CHL1: variants seen among roughly 807,000 people sequenced by gnomAD.
CHL1 encodes neural cell adhesion molecule L1-like protein.
In CHL1, 96 loss-of-function variants were observed where a neutral mutation model predicts 141.9. The ratio of observed to expected loss-of-function variants is 0.68; its 90% confidence interval spans 0.57 to 0.80. The LOEUF (loss-of-function observed/expected upper bound fraction) is 0.80, where lower values mean the gene tolerates loss of function less well. Ranked by LOEUF, CHL1 falls within the 30% of genes least tolerant of loss-of-function variation. The pLI, the probability that CHL1 is intolerant of heterozygous loss-of-function variation, is 0.00. For missense variants in CHL1, 1,820 were observed against 1,457.2 expected, an observed-to-expected ratio of 1.25 and a Z score of -4.05; for synonymous variants, 613 against 502.2, an observed-to-expected ratio of 1.22 and a Z score of -2.95.
Position 260,811 on chromosome 3 carries a change from A to G in CHL1, c.-95+16119A>G, listed in dbSNP as rs559399413. On this transcript the variant is annotated intron_variant, in intron 2 of 27. Coordinates refer to ENST00000256509, the MANE Select transcript of CHL1 (RefSeq NM_006614.4). ...ACTAACAAAATAAGGGAGGAGAGCA[A>G]TAAGAAACAAATAAGATTAAGGAAG... 1.1e-4 allele frequency among the ~76,000 whole-genome samples: 16 copies of G among 152,368 alleles called. No homozygotes were observed. The South Asian group carries it at 2.5e-3, about 24-fold the overall frequency.
intron 15 of CHL1, among the ~76,000 whole-genome samples, chr3:368,698 T>G (rs1449515753): frequency 1.3e-5 from 2 of 152,160 alleles, no homozygotes; most frequent in African/African-American, 4.8e-5. Context: ...ACTGCCTAGG[T>G]TTTCTTCTAG....
chr3:374,848 GAC>G (rs1706114459), intron 15 of CHL1, among the ~76,000 whole-genome samples: 1 of 152,166 alleles, frequency 6.6e-6, no homozygotes, highest in South Asian at 2.1e-4. Flanking sequence ...CTTCTGCTGA[GAC>G]ACCTTCTCCT....
intron 5 of CHL1, 96 bp from the exon 6 acceptor site, chr3:340,698 T>C: frequency 9.8e-7 from 1 of 1,022,402 alleles, no homozygotes. Context: ...TTTATTTAAA[T>C]TGCTGAATTT....
chr3:220,153 G>A (rs1700703118), intron 1 of CHL1, among the ~76,000 whole-genome samples: 1 of 152,174 alleles, frequency 6.6e-6, no homozygotes, highest in African/African-American at 2.4e-5. Context: ...TTAAAGACTG[G>A]GGAGGGTGGT....
chr3:254,351 C>T (rs956944985), intron 2 of CHL1, among the ~76,000 whole-genome samples: 1 of 152,270 alleles, frequency 6.6e-6, no homozygotes, highest in Non-Finnish European at 1.5e-5. Flanking sequence ...TGGTAATTTT[C>T]AAATATCTCT....
rs181269085 is a variant in CHL1 at position 374,416 on chromosome 3, C to T, written c.1752-3402C>T. Among the ~76,000 whole-genome samples, 18 of 152,204 alleles carry T rather than the reference C, an allele frequency of 1.2e-4. No homozygotes were observed. The East Asian group carries it at 3.1e-3, about 26-fold the overall frequency. On this transcript the variant is annotated intron_variant, in intron 15 of 27. Coordinates refer to ENST00000256509, the MANE Select transcript of CHL1 (RefSeq NM_006614.4). ...CTTTTGTTACTACTGCCTGACTATC[C>T]GGGGTCTTCCATGTGACCTCTGGGC...
intron 1 of CHL1, among the ~76,000 whole-genome samples, chr3:202,408 A>T (rs1402031991): frequency 6.6e-6 from 1 of 152,214 alleles, no homozygotes; most frequent in Non-Finnish European, 1.5e-5. Context: ...CATTAATTAT[A>T]TGCACATATA....
intron 2 of CHL1, among the ~76,000 whole-genome samples, chr3:290,859 C>T (rs1330927215): frequency 6.6e-6 from 1 of 151,024 alleles, no homozygotes. Context: ...TTGCTTGAAC[C>T]CGGGAGACAG....
rs539063642 is a variant in CHL1 at position 328,057 on chromosome 3, C to A, written c.198-110C>A. The A allele has an allele frequency of 1.3e-3, 969 of 768,424 alleles. 7 individuals are homozygous for A. Among genetic ancestry groups the A allele is most frequent in the Middle Eastern group, 8.4e-3 (29 of 3,454 alleles). The allele number at this position is 768,424 out of a possible 1,614,324, so 47.6% of individuals were successfully genotyped here. ...CCTGTTATATTCCATTAAGTATATA[C>A]TTTTTATCATAAAATGTCTTGGTTT... On this transcript the variant is annotated intron_variant, in intron 4 of 27. Coordinates refer to ENST00000256509, the MANE Select transcript of CHL1 (RefSeq NM_006614.4).
At chr3:336,081 A>C (rs1701839769) in intron 5 of CHL1, among the ~76,000 whole-genome samples, 1 of 152,214 alleles carries the variant, frequency 6.6e-6, no homozygotes, top group Non-Finnish European at 1.5e-5. Context: ...TAGCAGATTC[A>C]AAGATCGCAT....
At chr3:313,219 C>T (rs1188513665) in intron 2 of CHL1, among the ~76,000 whole-genome samples, 1 of 152,156 alleles carries the variant, frequency 6.6e-6, no homozygotes, top group Non-Finnish European at 1.5e-5. Flanking sequence ...CTTTTGTTCA[C>T]TGAATTTGCT....
chr3:399,291 A>T (rs1708922176), intron 26 of CHL1, 143 bp downstream of exon 26: 1 of 646,154 alleles, frequency 1.5e-6, no homozygotes, highest in African/African-American at 1.8e-5. Context: ...TGACAGGAAA[A>T]ACGTATTGCT....
At chr3:227,026 CT>C (rs893017898) in intron 1 of CHL1, among the ~76,000 whole-genome samples, 1 of 152,144 alleles carries the variant, frequency 6.6e-6, no homozygotes, top group African/African-American at 2.4e-5. Flanking sequence ...CACCAGGAGT[CT>C]TCATAGGTAA....
chr3:377,803 C>G lies in CHL1; in HGVS notation c.1752-15C>G. The G allele has an allele frequency of 6.3e-7, 1 of 1,593,586 alleles. No homozygotes were observed. Among genetic ancestry groups the G allele is most frequent in the Non-Finnish European group, 8.6e-7 (1 of 1,167,154 alleles). ...TGTTTTCCTTCTCATCATGTACTCA[C>G]TTTTTTTCTGATAGGATAATTATTG... On this transcript the variant is annotated splice_polypyrimidine_tract_variant and intron_variant, in intron 15 of 27. Coordinates refer to ENST00000256509, the MANE Select transcript of CHL1 (RefSeq NM_006614.4).
intron 22 of CHL1, among the ~76,000 whole-genome samples, chr3:391,458 A>G (rs41285107): frequency 2.6e-5 from 4 of 152,250 alleles, no homozygotes; most frequent in Admixed American, 2.0e-4. Flanking sequence ...GGAGGTTGCA[A>G]TGAGCCAAGA....
chr3:263,070 G>A (rs1291593346), intron 2 of CHL1, among the ~76,000 whole-genome samples: 1 of 152,218 alleles, frequency 6.6e-6, no homozygotes, highest in African/African-American at 2.4e-5. Context: ...TGCAAAGTGA[G>A]GGAAATTTGG....
rs1704108315 is a variant in CHL1, at chr3:360,265, A to G, written c.1166-19A>G. On this transcript the variant is annotated intron_variant, in intron 11 of 27. Coordinates refer to ENST00000256509, the MANE Select transcript of CHL1 (RefSeq NM_006614.4). The stretch of plus-strand genomic sequence containing the variant: ...ATGTCCTGTTCCTTATCAAACTGAC[A>G]TTCTTTAATCTCTTTCAGATCATCC... 1.2e-6 allele frequency: 2 copies of G among 1,612,750 alleles called. No individual in the cohort carries two copies. The highest frequency in any genetic ancestry group is 1.3e-5 in the African/African-American group (1 of 74,990).
At chr3:349,934 G>A (rs13079043) in intron 10 of CHL1, among the ~76,000 whole-genome samples, 37,092 of 152,090 alleles carry the variant, frequency 0.24, 5,272 homozygotes, top group East Asian at 0.4. Context: ...AAGAAAGCTT[G>A]GATTTAACTT....
intron 1 of CHL1, among the ~76,000 whole-genome samples, chr3:209,396 A>G (rs1171747052): frequency 2.0e-5 from 3 of 152,234 alleles, no homozygotes; most frequent in Non-Finnish European, 4.4e-5. Context: ...AGAAATGACT[A>G]TATGGGTGAT....
Sources: allele counts gnomAD v4.1 joint callset (sites outside exome capture counted in the v4.1 genomes callset), GRCh38; gene constraint gnomAD v4.1.1; transcripts MANE v1.5; gene names NCBI Gene and HGNC (gene_info 2026-07-23, HGNC 2026-07-21).